The following SRRM4 variants were observed in gnomAD, a reference collection of about 807,000 sequenced individuals.
The protein encoded by SRRM4 is serine/arginine repetitive matrix 4, also known as serine/arginine repetitive matrix protein 4.
A neutral mutation model predicts 68.9 loss-of-function variants in SRRM4; 33 were observed. The observed-to-expected ratio is 0.48, with a 90% CI of 0.36 to 0.64. The LOEUF (loss-of-function observed/expected upper bound fraction) is 0.64. SRRM4 is among the 30% of genes least tolerant of loss of function. The pLI is 0.00. For missense variants in SRRM4, 817 were observed against 827.1 expected, an observed-to-expected ratio of 0.99 and a Z score of 0.15; for synonymous variants, 318 against 318.8, an observed-to-expected ratio of 1.00 and a Z score of 0.03.
At chr12:119,040,545 T>C (rs912429414) in intron 1 of SRRM4, among the ~76,000 whole-genome samples, 3 of 152,250 alleles carry the variant, frequency 2.0e-5, no homozygotes, top group African/African-American at 7.2e-5. Context: ...TTTTTATGGC[T>C]GAGTAGTATT....
In SRRM4 at chr12:119,157,716, G is replaced by A. The variant is rs1336726512; in HGVS notation, c.*918G>A. On this transcript the variant is annotated 3_prime_UTR_variant, in exon 13 of 13. Transcript: ENST00000267260. This position sits in a 1 kb window ranked among gnomAD's most constrained non-coding sequence, Gnocchi z 4.1. ...GGGACCATCTGCTGAACATTCCCCA[G>A]TGCCATGGCCAGTTGCCAGGCCCCA... 1 of 152,368 alleles carries A rather than the reference G, an allele frequency of 6.6e-6. No homozygotes were observed. Among genetic ancestry groups the A allele is most frequent in the African/African-American group, 2.4e-5 (1 of 41,462 alleles). 9.4% of individuals were successfully genotyped at this position (152,368 alleles called of 1,614,324 possible). A position where few individuals can be genotyped will look rare whatever the true frequency, so the allele number is the denominator to read the frequency against.
intron 8 of SRRM4, among the ~76,000 whole-genome samples, chr12:119,140,720 C>T (rs985565621): frequency 5.3e-5 from 8 of 152,214 alleles, no homozygotes; most frequent in South Asian, 2.1e-4. Flanking sequence ...TTTTGCAGGT[C>T]GGAAACTTCT....
At chr12:119,084,034 T>G (rs946049369) in intron 1 of SRRM4, among the ~76,000 whole-genome samples, 2 of 152,196 alleles carry the variant, frequency 1.3e-5, no homozygotes, top group Non-Finnish European at 2.9e-5. Context: ...CATTGAATCC[T>G]CACTACGGCC....
chr12:119,039,511 C>T (rs115863517), intron 1 of SRRM4, among the ~76,000 whole-genome samples: 1 of 152,174 alleles, frequency 6.6e-6, no homozygotes, highest in South Asian at 2.1e-4. Context: ...GTAAATCACT[C>T]ATCACTTCAA....
In SRRM4 at chr12:119,094,278, T is replaced by C. The variant is rs1954030194; in HGVS notation, c.132-7958T>C. Among the ~76,000 whole-genome samples, 3 of 152,272 alleles carry C rather than the reference T, an allele frequency of 2.0e-5. No individual in the cohort carries two copies. The South Asian group carries it at 6.2e-4, about 32-fold the overall frequency. On this transcript the variant is annotated intron_variant, in intron 1 of 12. Coordinates refer to ENST00000267260, the MANE Select transcript of SRRM4 (RefSeq NM_194286.4). Reference sequence around the variant, plus strand: ...CCCTCAGGATCAAGTTCAAACTCCTTGTAGAATCTACAACATGGCTACTCA... The same window carrying C: ...CCCTCAGGATCAAGTTCAAACTCCTCGTAGAATCTACAACATGGCTACTCA...
chr12:119,131,653 G>A (rs1954298857), intron 8 of SRRM4, among the ~76,000 whole-genome samples: 1 of 152,206 alleles, frequency 6.6e-6, no homozygotes, highest in South Asian at 2.1e-4. Context: ...TCCTAGCTGT[G>A]TGGCTTTGGG....
intron 3 of SRRM4, among the ~76,000 whole-genome samples, chr12:119,115,749 TCGTTCATC>T (rs1954175526): frequency 6.6e-6 from 1 of 152,232 alleles, no homozygotes; most frequent in Admixed American, 6.5e-5. Flanking sequence ...ACTAATTGAC[TCGTTCATC>T]CAGTGAATAT....
chr12:119,024,094 T>A (rs1953532410), intron 1 of SRRM4, among the ~76,000 whole-genome samples: 2 of 152,332 alleles, frequency 1.3e-5, no homozygotes, highest in South Asian at 4.1e-4. Context: ...TATTCATGTA[T>A]TTCAAGAGGA....
chr12:119,008,140 G>A (rs534760377), intron 1 of SRRM4, among the ~76,000 whole-genome samples: 315 of 152,198 alleles, frequency 2.1e-3, no homozygotes, highest in African/African-American at 7.0e-3. Flanking sequence ...AGTGGCTCAT[G>A]CCTGTAATCC....
intron 1 of SRRM4, among the ~76,000 whole-genome samples, chr12:119,058,938 C>T (rs1211819342): frequency 6.6e-6 from 1 of 152,154 alleles, no homozygotes; most frequent in Non-Finnish European, 1.5e-5. Context: ...CTGTGATCAC[C>T]ACCCCACCCG....
intron 1 of SRRM4, among the ~76,000 whole-genome samples, chr12:118,994,956 A>C (rs1213361793): frequency 6.6e-6 from 1 of 152,164 alleles, no homozygotes; most frequent in African/African-American, 2.4e-5. Flanking sequence ...GCAGATGGAG[A>C]AAGTAAGCCT....
chr12:119,087,715 G>A (rs528932517), intron 1 of SRRM4, among the ~76,000 whole-genome samples: 3 of 152,250 alleles, frequency 2.0e-5, no homozygotes, highest in East Asian at 1.9e-4. Flanking sequence ...TCAGCATGGG[G>A]GATGCAGAGA....
chr12:118,982,670 T>TTTTATTTTATTTTA (rs1407845114), intron 1 of SRRM4, among the ~76,000 whole-genome samples: 5 of 22,386 alleles, frequency 2.2e-4, no homozygotes, highest in African/African-American at 5.3e-4. Flanking sequence ...TTTTATTTTG[T>TTTTATTTTATTTTA]TTTTTTTTGT....
intron 8 of SRRM4, among the ~76,000 whole-genome samples, chr12:119,144,206 T>A (rs1156888751): frequency 6.6e-6 from 1 of 151,992 alleles, no homozygotes; most frequent in Admixed American, 6.6e-5. Context: ...TGCAAGCGCA[T>A]CCTCCCTCCC....
intron 1 of SRRM4, among the ~76,000 whole-genome samples, chr12:119,038,207 C>CTTT (rs34123754): frequency 1.1e-4 from 16 of 142,488 alleles, no homozygotes; most frequent in African/African-American, 2.6e-4. Context: ...AAATTAAAAA[C>CTTT]TTTTTTTTTT....
chr12:119,084,848 G>T (rs1228648205), intron 1 of SRRM4, among the ~76,000 whole-genome samples: 1 of 152,190 alleles, frequency 6.6e-6, no homozygotes, highest in African/African-American at 2.4e-5. Flanking sequence ...ATGGGCAGGA[G>T]ATGATCAAGT....
At chr12:119,070,564 G>C (rs1953872285) in intron 1 of SRRM4, among the ~76,000 whole-genome samples, 1 of 151,858 alleles carries the variant, frequency 6.6e-6, no homozygotes, top group Non-Finnish European at 1.5e-5. Flanking sequence ...TGTCTAATAT[G>C]GGGAGGTTTT....
At chr12:119,061,122 G>T (rs998015922) in intron 1 of SRRM4, among the ~76,000 whole-genome samples, 3 of 152,124 alleles carry the variant, frequency 2.0e-5, no homozygotes, top group African/African-American at 7.2e-5. Flanking sequence ...GTACTCAGCA[G>T]CAGAAAAGTC....
At chr12:119,146,416 G>C (rs1205687119) in intron 9 of SRRM4, among the ~76,000 whole-genome samples, 1 of 151,506 alleles carries the variant, frequency 6.6e-6, no homozygotes, top group Non-Finnish European at 1.5e-5. Context: ...GAGAAACCCT[G>C]TCTCTACTAG....
Sources: allele counts gnomAD v4.1 joint callset (sites outside exome capture counted in the v4.1 genomes callset), GRCh38; gene constraint gnomAD v4.1.1; non-coding constraint Gnocchi (gnomAD v3.1); transcripts MANE v1.5; gene names NCBI Gene and HGNC (gene_info 2026-07-23, HGNC 2026-07-21).